The following OPA1 variants were observed in gnomAD, a reference collection of about 807,000 sequenced individuals.
OPA1 encodes the protein dynamin-like GTPase OPA1, mitochondrial.
A neutral mutation model predicts 152.9 loss-of-function variants in OPA1; 59 were observed. The ratio of observed to expected loss-of-function variants is 0.39; its 90% CI spans 0.31 to 0.48. The LOEUF (loss-of-function observed/expected upper bound fraction) is 0.48, where lower values mean the gene tolerates loss of function less well. Among genes scored for constraint, OPA1 ranks in the 20% least tolerant of loss-of-function variants. OPA1 has a pLI of 0.96. For synonymous variants in OPA1, 400 were observed against 389.9 expected, an observed-to-expected ratio of 1.03 and a Z score of -0.31; for missense variants, 1,008 against 1,216.8, an observed-to-expected ratio of 0.83 and a Z score of 2.55.
At chr3:193,607,910 A>G (rs1369254452) in intron 1 of OPA1, among the ~76,000 whole-genome samples, 3 of 152,158 alleles carry the variant, frequency 2.0e-5, no homozygotes, top group Non-Finnish European at 4.4e-5. Flanking sequence ...ATGTTCTTCC[A>G]TTTGTTTGTA....
At chr3:193,650,325 T>C (rs1399254450) in intron 21 of OPA1, among the ~76,000 whole-genome samples, 1 of 152,194 alleles carries the variant, frequency 6.6e-6, no homozygotes, top group South Asian at 2.1e-4. Context: ...TGATTCTCTG[T>C]GTTTTCAGAC....
chr3:193,691,188 G>A (rs777581450), intron 29 of OPA1, among the ~76,000 whole-genome samples: 7 of 152,158 alleles, frequency 4.6e-5, no homozygotes, highest in South Asian at 2.1e-4. Context: ...ACCACTGCAC[G>A]CCAACCTGGG....
At chr3:193,666,489 G>A in intron 28 of OPA1, 100 bp downstream of exon 28, 1 of 1,001,656 alleles carries the variant, frequency 1.0e-6, no homozygotes, top group Non-Finnish European at 1.5e-6. Flanking sequence ...CCCAAAAGTA[G>A]ATTTATTAGA....
At chr3:193,599,982 C>G (rs955703505) in intron 1 of OPA1, among the ~76,000 whole-genome samples, 1 of 152,236 alleles carries the variant, frequency 6.6e-6, no homozygotes, top group Non-Finnish European at 1.5e-5. Flanking sequence ...ACTCAGCAGT[C>G]TATGAGTGGT....
intron 11 of OPA1, among the ~76,000 whole-genome samples, chr3:193,640,898 G>A (rs1733686213): frequency 6.6e-6 from 1 of 152,126 alleles, no homozygotes; most frequent in African/African-American, 2.4e-5. Context: ...ACAGGGTATG[G>A]GCAGCCTAGT....
At chr3:193,633,509 G>C (rs910975799) in intron 8 of OPA1, among the ~76,000 whole-genome samples, 10 of 152,108 alleles carry the variant, frequency 6.6e-5, no homozygotes, top group African/African-American at 2.4e-4. Context: ...CCTTCAATTT[G>C]TGCAATTGTA....
intron 1 of OPA1, among the ~76,000 whole-genome samples, chr3:193,605,526 C>T (rs1727120536): frequency 6.6e-6 from 1 of 152,154 alleles, no homozygotes; most frequent in South Asian, 2.1e-4. Flanking sequence ...ACTTTTAATT[C>T]TTCCTATATC....
chr3:193,640,442 A>G (rs538215173), intron 11 of OPA1, among the ~76,000 whole-genome samples: 108 of 152,340 alleles, frequency 7.1e-4, no homozygotes, highest in Non-Finnish European at 1.2e-3. Flanking sequence ...AGGAAGGTGA[A>G]CATAGAAACC....
chr3:193,656,648 TAAATG>T (rs1260852442), intron 22 of OPA1, among the ~76,000 whole-genome samples: 1 of 152,092 alleles, frequency 6.6e-6, no homozygotes, highest in East Asian at 1.9e-4. Flanking sequence ...TTGAAATAAA[TAAATG>T]AACTAACTTG....
At chr3:193,663,603 C>T (rs1050986030) in intron 26 of OPA1, among the ~76,000 whole-genome samples, 5 of 152,050 alleles carry the variant, frequency 3.3e-5, no homozygotes, top group African/African-American at 1.2e-4. Flanking sequence ...AATTCAAAAG[C>T]TCCTTATAAT....
chr3:193,689,879 G>C (rs1330667831), intron 29 of OPA1, among the ~76,000 whole-genome samples: 1 of 152,128 alleles, frequency 6.6e-6, no homozygotes, highest in Non-Finnish European at 1.5e-5. Flanking sequence ...TGTGATTTAA[G>C]TTAGATGGTT....
At chr3:193,596,685 T>G (rs989266330) in intron 1 of OPA1, 1 of 152,218 alleles carries the variant, frequency 6.6e-6, no homozygotes, top group Admixed American at 6.5e-5. Flanking sequence ...GATTGCTGTT[T>G]TTGAATAACA....
rs990199694 is a variant in OPA1, at chr3:193,649,605, A to G, written c.2012+734A>G. 2.6e-5 allele frequency among the ~76,000 whole-genome samples: 4 copies of G among 152,264 alleles called. No homozygotes were observed. In the South Asian group the frequency reaches 8.3e-4, roughly 32 times the overall value. On this transcript the variant is annotated intron_variant, in intron 21 of 30. Transcript: ENST00000361510. The stretch of plus-strand genomic sequence containing the variant: ...AGCTATCCTCACTGCCATTCATTGT[A>G]AATATTTTCTGTACCTAGTCTATTC...
intron 29 of OPA1, chr3:193,668,896 T>G: frequency 9.8e-7 from 1 of 1,017,478 alleles, no homozygotes; most frequent in Non-Finnish European, 1.2e-6. Context: ...GAAACATTAT[T>G]GTTATTAAAT....
chr3:193,671,850 A>G lies in OPA1; in HGVS notation c.2983+4570A>G, dbSNP rs116697451. ...TAGAGGAAATGAGACTTTTGAGAAC[A>G]TCATCCCTGAAGACGTTGAAACACT... On this transcript the variant is annotated intron_variant, in intron 29 of 30. Transcript: ENST00000361510. Among the ~76,000 whole-genome samples the G allele has an allele frequency of 4.0e-3, 606 of 152,380 alleles. 4 individuals are homozygous for G. The highest frequency in any genetic ancestry group is 0.014 in the African/African-American group (574 of 41,586).
rs780542867 is a variant in OPA1 at position 193,664,845 on chromosome 3, A to G, written c.2662-35A>G. The G allele has an allele frequency of 4.6e-6, 5 of 1,097,116 alleles. 1 individual carries two copies. The South Asian group carries it at 5.0e-5, about 11-fold the overall frequency. 68.0% of individuals were successfully genotyped at this position (1,097,116 alleles called of 1,614,324 possible). ...TGTGGTTGATCAACATGAAGAATAT[A>G]CAGTAACTCTGGGCTTTCTTTTTTC... On this transcript the variant is annotated intron_variant, in intron 26 of 30. Transcript: ENST00000361510.
intron 25 of OPA1, among the ~76,000 whole-genome samples, chr3:193,662,515 T>C (rs1715521705): frequency 6.6e-6 from 1 of 152,134 alleles, no homozygotes; most frequent in East Asian, 1.9e-4. Flanking sequence ...AGAAAATACA[T>C]GGTAAGATTC....
At chr3:193,645,515 C>T (rs201813305) in intron 16 of OPA1, 38 bp from the exon 17 acceptor site, 1 of 1,499,404 alleles carries the variant, frequency 6.7e-7, no homozygotes, top group East Asian at 2.3e-5. Flanking sequence ...CTTATGTAAA[C>T]TATATCTCAC....
Position 193,658,868 on chromosome 3 carries a change from C to T in OPA1, c.2332-19C>T. ...GAGATGTAAAACAAGTTGGCTTTTT[C>T]TCTTCTTGTTATTTTCAGAGGGTTA... On this transcript the variant is annotated intron_variant, in intron 23 of 30. Coordinates refer to ENST00000361510, the MANE Select transcript of OPA1 (RefSeq NM_130837.3). 6.3e-7 allele frequency: 1 copy of T among 1,582,838 alleles called. No homozygotes were observed. The highest frequency in any genetic ancestry group is 8.7e-7 in the Non-Finnish European group (1 of 1,151,706).
Sources: gnomAD v4.1 joint callset for allele counts (sites outside exome capture counted in the v4.1 genomes callset) on GRCh38, gnomAD v4.1.1 for gene constraint, MANE v1.5 for transcripts, NCBI Gene and HGNC (gene_info 2026-07-23, HGNC 2026-07-21) for gene names.